Variants in MYO5C observed in about 807,000 individuals in gnomAD.
The protein encoded by MYO5C is myosin VC, also known as unconventional myosin-Vc.
MYO5C carries 194 observed loss-of-function variants against 235.7 expected under a neutral mutation model. That is an observed-to-expected ratio of 0.82 (90% CI 0.73 to 0.93). MYO5C has a LOEUF of 0.93. MYO5C is among the 40% of genes least tolerant of loss of function. MYO5C has a pLI of 0.00. For missense variants in MYO5C, 2,038 were observed against 2,127.2 expected (o/e 0.96, Z 0.82); for synonymous variants, 707 against 754.8 (o/e 0.94, Z 1.04).
At chr15:52,224,260 G>A (rs1309946790) in intron 28 of MYO5C, among the ~76,000 whole-genome samples, 1 of 152,206 alleles carries the variant, frequency 6.6e-6, no homozygotes, top group African/African-American at 2.4e-5. Flanking sequence ...TCCAGCCTGG[G>A]TAACAGAGCG....
intron 5 of MYO5C, among the ~76,000 whole-genome samples, chr15:52,274,009 AT>A (rs961400668): frequency 2.0e-5 from 3 of 151,858 alleles, no homozygotes; most frequent in African/African-American, 7.3e-5. Flanking sequence ...TCTGGGCAGG[AT>A]TTTTGCTTTT....
intron 1 of MYO5C, among the ~76,000 whole-genome samples, chr15:52,294,546 A>G (rs1362231276): frequency 6.6e-6 from 1 of 152,244 alleles, no homozygotes; most frequent in Non-Finnish European, 1.5e-5. Flanking sequence ...TTTTCTATCT[A>G]CAGCAAAAGC....
At chr15:52,275,126 T>C (rs1319325342) in intron 5 of MYO5C, among the ~76,000 whole-genome samples, 1 of 152,240 alleles carries the variant, frequency 6.6e-6, no homozygotes, top group East Asian at 1.9e-4. Flanking sequence ...ATGTGGCCTC[T>C]GCCAAGGCAG....
At chr15:52,239,948 T>A in intron 20 of MYO5C, 69 bp from the exon 21 acceptor site, 3 of 1,493,938 alleles carry the variant, frequency 2.0e-6, no homozygotes, top group Non-Finnish European at 2.7e-6. Context: ...CCTTCAACAC[T>A]GGAAGATGCA....
At chr15:52,249,240 G>A (rs936074587) in intron 13 of MYO5C, among the ~76,000 whole-genome samples, 6 of 152,180 alleles carry the variant, frequency 3.9e-5, no homozygotes, top group African/African-American at 1.4e-4. Context: ...GCCTTCAAGA[G>A]CCACCAAGCC....
At chr15:52,284,076 T>G (rs2140863903) in intron 1 of MYO5C, among the ~76,000 whole-genome samples, 1 of 152,028 alleles carries the variant, frequency 6.6e-6, no homozygotes, top group Non-Finnish European at 1.5e-5. Context: ...TAAATATTAA[T>G]CTTTAAAGGC....
rs192095703 is a variant in MYO5C at position 52,249,268 on chromosome 15, A to G, written c.1663-485T>C. 5.9e-5 allele frequency among the ~76,000 whole-genome samples: 9 copies of G among 152,256 alleles called. No individual in the cohort carries two copies. In the East Asian group the frequency reaches 1.7e-3, roughly 29 times the overall value. On this transcript the variant is annotated intron_variant, in intron 13 of 40. Coordinates refer to ENST00000261839, the MANE Select transcript of MYO5C (RefSeq NM_018728.4). ...ACCAAGCCCTCAGAATCAGGTTTAGAGTGGGTCAACCTTTGCACTGCTTGA... is the reference window on the plus strand; with the variant it reads ...ACCAAGCCCTCAGAATCAGGTTTAGGGTGGGTCAACCTTTGCACTGCTTGA...
intron 11 of MYO5C, among the ~76,000 whole-genome samples, chr15:52,254,650 G>A (rs527444314): frequency 4.6e-5 from 7 of 150,888 alleles, no homozygotes; most frequent in African/African-American, 1.5e-4. Flanking sequence ...AGGAGAAGAG[G>A]AAAAAGGAAG....
intron 23 of MYO5C, among the ~76,000 whole-genome samples, chr15:52,233,823 AG>A (rs2036021719): frequency 6.6e-6 from 1 of 152,242 alleles, no homozygotes; most frequent in Admixed American, 6.5e-5. Context: ...ATTTGCACTA[AG>A]CTGATATCTC....
intron 24 of MYO5C, among the ~76,000 whole-genome samples, chr15:52,231,782 C>G (rs1360484076): frequency 6.6e-6 from 1 of 152,102 alleles, no homozygotes; most frequent in East Asian, 1.9e-4. Flanking sequence ...GCCATGTACC[C>G]CAACTTTGAG....
chr15:52,216,105 G>A (rs1370425116), intron 32 of MYO5C, among the ~76,000 whole-genome samples: 2 of 152,152 alleles, frequency 1.3e-5, no homozygotes, highest in African/African-American at 2.4e-5. Flanking sequence ...CTTCAAATAA[G>A]CCCTCAAGAA....
intron 2 of MYO5C, among the ~76,000 whole-genome samples, chr15:52,280,673 A>T (rs1272621240): frequency 1.3e-5 from 2 of 152,214 alleles, no homozygotes; most frequent in Non-Finnish European, 2.9e-5. Flanking sequence ...GCTGCCTTTC[A>T]TCAAGTGCCA....
intron 1 of MYO5C, among the ~76,000 whole-genome samples, chr15:52,290,911 T>C (rs1261312270): frequency 2.6e-5 from 4 of 152,162 alleles, no homozygotes; most frequent in Non-Finnish European, 5.9e-5. Flanking sequence ...ATTTGAGTAA[T>C]CTTTATTAAG....
chr15:52,251,498 A>T lies in MYO5C; in HGVS notation c.1554T>A (p.Asp518Glu), dbSNP rs1264187383. The T allele has an allele frequency of 5.6e-6, 9 of 1,606,876 alleles. No homozygotes were observed. The highest frequency in any genetic ancestry group is 1.3e-5 in the African/African-American group (1 of 74,746). The change falls in exon 13 of 41, where the codon GAT (aspartate) becomes GAA (glutamate). Residue 518 changes from aspartate to glutamate, a missense_variant. Physicochemically the swap from Asp to Glu is conservative, Grantham distance 45. Transcript: ENST00000261839. ...TATACAGCTTTTGAAGCCAGTTTTC[A>T]TCAGTTCCATGTGGTAACTGGAAAA... Reference protein sequence around the residue: ...DEECLLPHGTDENWLQKLYNN... With the variant: ...DEECLLPHGTEENWLQKLYNN...
intron 4 of MYO5C, chr15:52,277,051 G>A (rs1473186560): frequency 2.1e-6 from 1 of 465,950 alleles, no homozygotes; most frequent in Non-Finnish European, 4.4e-6. Context: ...AGGAGACTTT[G>A]GATACAGAGC....
intron 8 of MYO5C, chr15:52,265,167 A>G (rs533924493): frequency 1.2e-4 from 19 of 152,374 alleles, no homozygotes; most frequent in African/African-American, 4.3e-4. Context: ...TAAGTAGAAT[A>G]TAAATTATGA....
At chr15:52,224,842 C>T (rs1022199617) in intron 28 of MYO5C, 59 bp downstream of exon 28, 8 of 1,446,790 alleles carry the variant, frequency 5.5e-6, no homozygotes, top group Non-Finnish European at 6.7e-6. Flanking sequence ...TTTGGACTTT[C>T]CAATAGTCTA....
intron 11 of MYO5C, 97 bp downstream of exon 11, chr15:52,256,539 AAAG>A (rs1175909635): frequency 1.0e-4 from 84 of 837,120 alleles, no homozygotes; most frequent in Non-Finnish European, 1.4e-4. Flanking sequence ...CAACCTCAAG[AAAG>A]AAGAATGCCT....
At position 52,237,529 on chromosome 15, in the gene MYO5C, GC is replaced by G. The variant is rs761381066; in HGVS notation, c.2820del (p.Arg940SerfsTer38). The G allele has an allele frequency of 1.2e-6, 2 of 1,613,948 alleles. No homozygotes were observed. Among genetic ancestry groups the G allele is most frequent in the South Asian group, 2.2e-5 (2 of 91,064 alleles). ...CTCTTCCCCTTCTCCTCGTAATTTCGCCTGTGAGTGGCTGCTTTTTCTAGTT... is the reference window on the plus strand; with the variant it reads ...CTCTTCCCCTTCTCCTCGTAATTTCGCTGTGAGTGGCTGCTTTTTCTAGTT... ...EAELEKAATH[R>X]RNYEEKGKRY... On this transcript the variant is annotated frameshift_variant, in exon 22 of 41. Transcript: ENST00000261839. LOFTEE classifies it high-confidence loss of function.
Sources: gnomAD v4.1 joint callset for allele counts (sites outside exome capture counted in the v4.1 genomes callset) on GRCh38, gnomAD v4.1.1 for gene constraint, MANE v1.5 for transcripts, NCBI Gene and HGNC (gene_info 2026-07-23, HGNC 2026-07-21) for gene names.